The following RAD51B variants were observed in gnomAD, a reference collection of about 807,000 sequenced individuals.
RAD51B encodes the protein RAD51 paralog B, also known as DNA repair protein RAD51 homolog 2.
In RAD51B, 38 loss-of-function variants were observed where a neutral mutation model predicts 42.2. The observed-to-expected ratio is 0.90, with a 90% CI of 0.70 to 1.18. The LOEUF (loss-of-function observed/expected upper bound fraction) is 1.18, where lower values mean the gene tolerates loss of function less well. Ranked by LOEUF, RAD51B falls within the 50% of genes most tolerant of loss-of-function variation. The probability of loss-of-function intolerance (pLI) is 0.00; values close to 1 mark genes in which losing one functional copy is unlikely to be tolerated. For missense variants in RAD51B, 373 were observed against 400.7 expected (o/e 0.93, Z 0.59); for synonymous variants, 154 against 145.2 (o/e 1.06, Z -0.43).
At chr14:67,911,947 A>G (rs2043996879) in intron 7 of RAD51B, among the ~76,000 whole-genome samples, 1 of 152,264 alleles carries the variant, frequency 6.6e-6, no homozygotes, top group South Asian at 2.1e-4. Context: ...TTACATGAAT[A>G]GAGAAAAGAA....
At chr14:67,883,304 TA>T (rs35677863) in intron 5 of RAD51B, among the ~76,000 whole-genome samples, 127,556 of 139,306 alleles carry the variant, frequency 0.92, 58,349 homozygotes, top group Non-Finnish European at 0.94. Flanking sequence ...AAATAAAAGC[TA>T]AAAAAAAAAA....
intron 7 of RAD51B, among the ~76,000 whole-genome samples, chr14:67,927,552 T>C (rs1408604674): frequency 1.3e-5 from 2 of 152,098 alleles, no homozygotes; most frequent in Non-Finnish European, 2.9e-5. Flanking sequence ...TGAGATGAAG[T>C]TTTTTAGCTC....
At chr14:68,310,321 C>T (rs2081945120) in intron 8 of RAD51B, among the ~76,000 whole-genome samples, 1 of 152,158 alleles carries the variant, frequency 6.6e-6, no homozygotes, top group South Asian at 2.1e-4. Context: ...GGCTGTTTTC[C>T]CCTTAGGCAT....
chr14:67,851,995 AC>A (rs1037337751), intron 4 of RAD51B, among the ~76,000 whole-genome samples: 4 of 151,458 alleles, frequency 2.6e-5, no homozygotes, highest in African/African-American at 9.7e-5. Flanking sequence ...AGGTCTACTT[AC>A]TCTCAAGGCA....
chr14:68,639,838 G>A (rs1029994734), intron 10 of RAD51B, among the ~76,000 whole-genome samples: 7 of 151,924 alleles, frequency 4.6e-5, no homozygotes, highest in East Asian at 1.9e-4. Context: ...TGTCCAGGCC[G>A]GAGTGCAGTG....
At chr14:68,172,028 G>A (rs143299000) in intron 7 of RAD51B, among the ~76,000 whole-genome samples, 1 of 152,234 alleles carries the variant, frequency 6.6e-6, no homozygotes, top group Non-Finnish European at 1.5e-5. Context: ...TCTTATTTTA[G>A]GCTGATGAAA....
intron 4 of RAD51B, among the ~76,000 whole-genome samples, chr14:67,857,334 C>G (rs2042028779): frequency 6.6e-6 from 1 of 152,138 alleles, no homozygotes; most frequent in Non-Finnish European, 1.5e-5. Flanking sequence ...CCAAACTCAA[C>G]AAACAAACCC....
At chr14:68,525,203 C>T (rs1447436587) in intron 10 of RAD51B, among the ~76,000 whole-genome samples, 2 of 152,160 alleles carry the variant, frequency 1.3e-5, no homozygotes, top group African/African-American at 4.8e-5. Flanking sequence ...GGCCATAAGC[C>T]GAGGACTGAG....
At chr14:67,916,532 A>G (rs1449975092) in intron 7 of RAD51B, among the ~76,000 whole-genome samples, 1 of 151,682 alleles carries the variant, frequency 6.6e-6, no homozygotes, top group Non-Finnish European at 1.5e-5. Flanking sequence ...CGTGAGCCAC[A>G]GTGCCTGACA....
At chr14:68,334,163 A>G (rs536550114) in intron 8 of RAD51B, among the ~76,000 whole-genome samples, 1 of 152,256 alleles carries the variant, frequency 6.6e-6, no homozygotes, top group African/African-American at 2.4e-5. Flanking sequence ...TGCAGGGATG[A>G]GGGGTGCTAA....
intron 10 of RAD51B, among the ~76,000 whole-genome samples, chr14:68,499,302 A>G (rs534051469): frequency 1.6e-4 from 24 of 152,230 alleles, no homozygotes; most frequent in African/African-American, 5.5e-4. Context: ...ACTTGTTTTC[A>G]CTCCCTGCCA....
intron 8 of RAD51B, among the ~76,000 whole-genome samples, chr14:68,399,339 C>T (rs963699497): frequency 2.7e-5 from 4 of 146,938 alleles, no homozygotes; most frequent in South Asian, 2.1e-4. Flanking sequence ...TCACTGCAAA[C>T]TCCTCTTCCC....
intron 7 of RAD51B, among the ~76,000 whole-genome samples, chr14:67,893,492 ACACAC>A (rs1208482575): frequency 2.2e-4 from 18 of 81,216 alleles, no homozygotes; most frequent in African/African-American, 7.4e-4. Context: ...ACACACACAC[ACACAC>A]ACACACACAC....
At chr14:68,549,792 G>C (rs1888438236) in intron 10 of RAD51B, among the ~76,000 whole-genome samples, 1 of 152,230 alleles carries the variant, frequency 6.6e-6, no homozygotes. Flanking sequence ...ACTAAGTCAT[G>C]TGGGAAGCTA....
intron 7 of RAD51B, among the ~76,000 whole-genome samples, chr14:68,224,301 T>G (rs1431000772): frequency 6.6e-6 from 1 of 152,198 alleles, no homozygotes; most frequent in Non-Finnish European, 1.5e-5. Context: ...TTGGAAAAAT[T>G]ATTGTACAAT....
At chr14:68,248,949 G>T (rs1049531031) in intron 7 of RAD51B, among the ~76,000 whole-genome samples, 3 of 152,254 alleles carry the variant, frequency 2.0e-5, no homozygotes, top group African/African-American at 7.2e-5. Flanking sequence ...GTCATGAAGG[G>T]TCTGGGGGTA....
chr14:67,873,901 A>G (rs1423706739), intron 5 of RAD51B, among the ~76,000 whole-genome samples: 1 of 133,446 alleles, frequency 7.5e-6, no homozygotes. Flanking sequence ...GAACACATGG[A>G]CACAGGAAGG....
At chr14:68,067,900 G>T (rs938483233) in intron 7 of RAD51B, among the ~76,000 whole-genome samples, 1 of 125,884 alleles carries the variant, frequency 7.9e-6, no homozygotes, top group African/African-American at 3.2e-5. Context: ...CCACTGCACT[G>T]CAGTCTGTCT....
At chr14:68,471,322 C>T (rs991637256) in intron 10 of RAD51B, among the ~76,000 whole-genome samples, 3 of 152,182 alleles carry the variant, frequency 2.0e-5, no homozygotes, top group African/African-American at 4.8e-5. Context: ...CCCTCAGTGC[C>T]TTTTATCCCT....
Sources: gnomAD v4.1 joint callset for allele counts (sites outside exome capture counted in the v4.1 genomes callset) on GRCh38, gnomAD v4.1.1 for gene constraint, MANE v1.5 for transcripts, NCBI Gene and HGNC (gene_info 2026-07-23, HGNC 2026-07-21) for gene names.